Variants in MTHFD2L observed in about 807,000 individuals in gnomAD.
The protein encoded by MTHFD2L is methylenetetrahydrofolate dehydrogenase (NADP+ dependent) 2 like.
A neutral mutation model predicts 34.9 loss-of-function variants in MTHFD2L; 29 were observed. The observed-to-expected ratio is 0.83, with a 90% confidence interval of 0.62 to 1.13. The LOEUF is 1.13. MTHFD2L is among the 50% of genes most tolerant of loss of function. The pLI is 0.00. For missense variants in MTHFD2L, 481 were observed against 446.5 expected, an observed-to-expected ratio of 1.08 and a Z score of -0.70; for synonymous variants, 167 against 155.7, an observed-to-expected ratio of 1.07 and a Z score of -0.54.
At chr4:74,251,310 T>A (rs915987675) in intron 6 of MTHFD2L, among the ~76,000 whole-genome samples, 1 of 152,256 alleles carries the variant, frequency 6.6e-6, no homozygotes, top group Non-Finnish European at 1.5e-5. Flanking sequence ...ATAGTGGATG[T>A]ACCTGAACTG....
intron 6 of MTHFD2L, among the ~76,000 whole-genome samples, chr4:74,235,099 A>G (rs1391637533): frequency 6.6e-6 from 1 of 152,158 alleles, no homozygotes; most frequent in East Asian, 1.9e-4. Flanking sequence ...GAAGCATAAC[A>G]TTTAGGAAAA....
At chr4:74,141,436 T>C (rs976611945) in intron 1 of MTHFD2L, among the ~76,000 whole-genome samples, 2 of 152,230 alleles carry the variant, frequency 1.3e-5, no homozygotes, top group African/African-American at 4.8e-5. Context: ...ATTCTATTGC[T>C]CTTACCTCCT....
chr4:74,209,667 G>A (rs1451813557), intron 5 of MTHFD2L, among the ~76,000 whole-genome samples: 1 of 152,150 alleles, frequency 6.6e-6, no homozygotes, highest in Non-Finnish European at 1.5e-5. Context: ...GTGTGCATGT[G>A]TCTTTATAAT....
intron 1 of MTHFD2L, among the ~76,000 whole-genome samples, chr4:74,170,221 A>G (rs1396813175): frequency 1.3e-5 from 2 of 152,208 alleles, no homozygotes; most frequent in Non-Finnish European, 2.9e-5. Flanking sequence ...AGATGCAACA[A>G]TTTTAACAAA....
chr4:74,242,187 A>G (rs1422601442), intron 6 of MTHFD2L: 1 of 41,670 alleles, frequency 2.4e-5, no homozygotes, highest in Non-Finnish European at 6.1e-5. Context: ...TAAAGCATAT[A>G]GTAAATAAGT....
At chr4:74,261,209 G>T (rs1020880709) in intron 6 of MTHFD2L, among the ~76,000 whole-genome samples, 1 of 152,004 alleles carries the variant, frequency 6.6e-6, no homozygotes, top group Non-Finnish European at 1.5e-5. Context: ...GTTCTTTGAA[G>T]GTATGATAGT....
At chr4:74,119,273 T>C (rs964903259), upstream of MTHFD2L, among the ~76,000 whole-genome samples, 1 of 152,224 alleles carries the variant, frequency 6.6e-6, no homozygotes, top group Non-Finnish European at 1.5e-5. Context: ...TTTTAGTCCA[T>C]GTGTGTCCTG....
chr4:74,173,309 G>A (rs1728379328), intron 1 of MTHFD2L, among the ~76,000 whole-genome samples: 1 of 152,128 alleles, frequency 6.6e-6, no homozygotes, highest in Non-Finnish European at 1.5e-5. Context: ...TGCCTTTCCA[G>A]AGATAGTTTA....
At chr4:74,212,197 G>T (rs923239763) in intron 5 of MTHFD2L, among the ~76,000 whole-genome samples, 1 of 151,932 alleles carries the variant, frequency 6.6e-6, no homozygotes, top group Non-Finnish European at 1.5e-5. Context: ...ATCTCCTTCA[G>T]TTCTGCCCTG....
intron 6 of MTHFD2L, among the ~76,000 whole-genome samples, chr4:74,239,199 G>A (rs1169457297): frequency 6.6e-6 from 1 of 152,054 alleles, no homozygotes; most frequent in Non-Finnish European, 1.5e-5. Flanking sequence ...CATGGATGCA[G>A]CTGGAAACCG....
At chr4:74,125,845 A>G (rs535596880) in intron 1 of MTHFD2L, among the ~76,000 whole-genome samples, 94 of 152,294 alleles carry the variant, frequency 6.2e-4, no homozygotes, top group African/African-American at 2.2e-3. Flanking sequence ...ATAAGGAAAA[A>G]TGAATAAGAA....
chr4:74,271,661 T>G (rs1358637958), intron 6 of MTHFD2L, among the ~76,000 whole-genome samples: 2 of 152,204 alleles, frequency 1.3e-5, no homozygotes, highest in Non-Finnish European at 1.5e-5. Flanking sequence ...GGGCTCTTTT[T>G]TGGTTCCATA....
upstream of MTHFD2L, among the ~76,000 whole-genome samples, chr4:74,153,304 C>T (rs779791677): frequency 6.6e-6 from 1 of 152,036 alleles, no homozygotes; most frequent in Non-Finnish European, 1.5e-5. Context: ...AGATAACTGA[C>T]GATATAAATG....
At chr4:74,135,014 G>C (rs1722807746) in intron 1 of MTHFD2L, among the ~76,000 whole-genome samples, 1 of 152,116 alleles carries the variant, frequency 6.6e-6, no homozygotes. Flanking sequence ...ATGTTCAAGA[G>C]AGAGCAGAGC....
chr4:74,198,760 G>C (rs1223686350), intron 3 of MTHFD2L, among the ~76,000 whole-genome samples: 2 of 152,128 alleles, frequency 1.3e-5, no homozygotes, highest in Non-Finnish European at 2.9e-5. Context: ...TATTAAAAGT[G>C]AAAAACTATT....
At chr4:74,249,674 T>C (rs189604844) in intron 6 of MTHFD2L, among the ~76,000 whole-genome samples, 3,533 of 152,302 alleles carry the variant, frequency 0.023, 136 homozygotes, top group African/African-American at 0.079. Context: ...AGGGCAGGCC[T>C]GGTGGTGACA....
At chr4:74,244,669 AAGAC>A (rs1742167179) in intron 6 of MTHFD2L, among the ~76,000 whole-genome samples, 1 of 152,242 alleles carries the variant, frequency 6.6e-6, no homozygotes. Flanking sequence ...CTCAAAATGC[AAGAC>A]AGACCAGTGG....
intron 7 of MTHFD2L, among the ~76,000 whole-genome samples, chr4:74,301,026 T>A (rs1232361609): frequency 6.6e-6 from 1 of 152,078 alleles, no homozygotes; most frequent in Non-Finnish European, 1.5e-5. Context: ...CACATATCAC[T>A]AGCTGGGAGA....
At chr4:74,164,771 A>G (rs963225340) in intron 1 of MTHFD2L, among the ~76,000 whole-genome samples, 1 of 152,232 alleles carries the variant, frequency 6.6e-6, no homozygotes, top group Admixed American at 6.5e-5. Context: ...TCAGGTGAGT[A>G]GTTTGTACTA....
Sources: allele counts gnomAD v4.1 joint callset (sites outside exome capture counted in the v4.1 genomes callset), GRCh38; gene constraint gnomAD v4.1.1; transcripts MANE v1.5; gene names NCBI Gene and HGNC (gene_info 2026-07-23, HGNC 2026-07-21).